PPM1E: variants seen among roughly 807,000 people sequenced by gnomAD.
PPM1E encodes the protein protein phosphatase, Mg2+/Mn2+ dependent 1E, also known as protein phosphatase 1E.
In PPM1E, 20 loss-of-function variants were observed where a neutral mutation model predicts 65.9. That is an observed-to-expected ratio of 0.30 (90% CI 0.21 to 0.44). The LOEUF (loss-of-function observed/expected upper bound fraction) is 0.44. PPM1E is among the 20% of genes least tolerant of loss of function. The pLI is 1.00. For missense variants in PPM1E, 713 were observed against 953.1 expected, an observed-to-expected ratio of 0.75 and a Z score of 3.32; for synonymous variants, 352 against 374.9, an observed-to-expected ratio of 0.94 and a Z score of 0.70.
In PPM1E at chr17:58,981,321, C is replaced by T. The variant is rs2031345988; in HGVS notation, c.*290C>T. The T allele has an allele frequency of 3.1e-6, 1 of 319,570 alleles. No individual in the cohort carries two copies. Among genetic ancestry groups the T allele is most frequent in the Non-Finnish European group, 5.7e-6 (1 of 175,378 alleles). 19.8% of individuals were successfully genotyped at this position (319,570 alleles called of 1,614,324 possible). A position where few individuals can be genotyped will look rare whatever the true frequency, so the allele number is the denominator to read the frequency against. ...TTCATGTCACTAGATACACAACCCC[C>T]TTCCCACCATCCCTTCAGTCACTAG... On this transcript the variant is annotated 3_prime_UTR_variant, in exon 7 of 7. Transcript: ENST00000308249.
chr17:58,887,423 T>A (rs1036022179), intron 1 of PPM1E, among the ~76,000 whole-genome samples: 1 of 152,176 alleles, frequency 6.6e-6, no homozygotes, highest in East Asian at 1.9e-4. Flanking sequence ...CGTCTCGGCC[T>A]CCCAATGTGC....
intron 3 of PPM1E, 27 bp from the exon 4 acceptor site, chr17:58,969,512 A>G (rs760263711): frequency 6.2e-6 from 10 of 1,612,584 alleles, no homozygotes; most frequent in East Asian, 4.5e-5. Flanking sequence ...CCCAACTCCC[A>G]TAACTGTTCT....
chr17:58,833,544 G>T (rs2050625254), intron 1 of PPM1E, among the ~76,000 whole-genome samples: 1 of 151,762 alleles, frequency 6.6e-6, no homozygotes, highest in Non-Finnish European at 1.5e-5. Flanking sequence ...CCGTGTTGCT[G>T]CAAAGGACAT....
At chr17:58,818,607 A>G (rs2050449753) in intron 1 of PPM1E, among the ~76,000 whole-genome samples, 1 of 152,138 alleles carries the variant, frequency 6.6e-6, no homozygotes, top group Non-Finnish European at 1.5e-5. Context: ...CCCCAAGTTC[A>G]TTATTTGCTT....
At chr17:58,884,754 G>GA (rs2051245978) in intron 1 of PPM1E, among the ~76,000 whole-genome samples, 1 of 152,014 alleles carries the variant, frequency 6.6e-6, no homozygotes, top group South Asian at 2.1e-4. Flanking sequence ...TAACATGGGG[G>GA]ATAATACTTC....
intron 1 of PPM1E, among the ~76,000 whole-genome samples, chr17:58,927,122 C>CTTT (rs533990179): frequency 4.6e-4 from 57 of 124,600 alleles, no homozygotes; most frequent in East Asian, 6.8e-4. Context: ...GACTTTTAAA[C>CTTT]TTTTTTTTTT....
At chr17:58,855,603 G>C (rs541017353) in intron 1 of PPM1E, among the ~76,000 whole-genome samples, 13 of 152,286 alleles carry the variant, frequency 8.5e-5, no homozygotes, top group African/African-American at 2.9e-4. Context: ...ATCATAACTA[G>C]ATATGGCAGG....
At chr17:58,896,910 A>G (rs891449874) in intron 1 of PPM1E, among the ~76,000 whole-genome samples, 1 of 152,178 alleles carries the variant, frequency 6.6e-6, no homozygotes. Context: ...TCAGGGGCTA[A>G]TGCAGCTGGT....
Position 58,950,856 on chromosome 17 carries a change from G to T in PPM1E, c.465-4793G>T, listed in dbSNP as rs537109634. Among the ~76,000 whole-genome samples the T allele has an allele frequency of 4.9e-3, 709 of 144,958 alleles. 3 individuals carry two copies. The highest frequency in any genetic ancestry group is 6.7e-3 in the Non-Finnish European group (450 of 67,288). On this transcript the variant is annotated intron_variant, in intron 1 of 6. Coordinates refer to ENST00000308249, the MANE Select transcript of PPM1E (RefSeq NM_014906.5). ...TGCAGCGGCGTGATCTCTGCTCACT[G>T]CAAGCTCCGCCTCCTGGGTTCACGC...
chr17:58,866,834 C>T (rs1278293036), intron 1 of PPM1E, among the ~76,000 whole-genome samples: 1 of 152,154 alleles, frequency 6.6e-6, no homozygotes, highest in Non-Finnish European at 1.5e-5. Context: ...GTGTTCAGTA[C>T]CTTTTTCTAT....
chr17:58,933,711 G>A (rs539387242), intron 1 of PPM1E, among the ~76,000 whole-genome samples: 3 of 151,030 alleles, frequency 2.0e-5, no homozygotes, highest in Admixed American at 6.6e-5. Flanking sequence ...CAGGAGAATC[G>A]CTTGAACCTG....
At chr17:58,921,846 G>T (rs2051755591) in intron 1 of PPM1E, among the ~76,000 whole-genome samples, 1 of 151,848 alleles carries the variant, frequency 6.6e-6, no homozygotes, top group Non-Finnish European at 1.5e-5. Flanking sequence ...TTGAAGACCA[G>T]GCTGGCTAAC....
intron 1 of PPM1E, among the ~76,000 whole-genome samples, chr17:58,761,104 C>G (rs2049816779): frequency 6.6e-6 from 1 of 152,164 alleles, no homozygotes; most frequent in Admixed American, 6.5e-5. Flanking sequence ...TGGGGTCTCA[C>G]TATATTCCCT....
intron 1 of PPM1E, among the ~76,000 whole-genome samples, chr17:58,791,631 T>C (rs1039301742): frequency 3.9e-5 from 6 of 152,154 alleles, no homozygotes; most frequent in African/African-American, 1.4e-4. Context: ...AATTCCAGGT[T>C]TTCTGGACTG....
intron 4 of PPM1E, 46 bp downstream of exon 4, chr17:58,969,773 G>C (rs1449671677): frequency 1.9e-6 from 3 of 1,572,474 alleles, no homozygotes; most frequent in Non-Finnish European, 2.6e-6. Context: ...TACTAGCTGA[G>C]CTCAATTTGG....
chr17:58,917,459 T>C (rs1351556707), intron 1 of PPM1E, among the ~76,000 whole-genome samples: 1 of 152,212 alleles, frequency 6.6e-6, no homozygotes, highest in East Asian at 1.9e-4. Flanking sequence ...CCTAAGGCAA[T>C]GCCCAGATGT....
rs1354777473 is a variant in PPM1E, at chr17:58,967,252, A to G, written c.783+1359A>G. On this transcript the variant is annotated intron_variant, in intron 3 of 6. Coordinates refer to ENST00000308249, the MANE Select transcript of PPM1E (RefSeq NM_014906.5). ...ATTATAAGAAAATAGAAATGCAGAA[A>G]AGTCTTAGGCATGTGTTTTGTTTGA... Among the ~76,000 whole-genome samples, 4 of 152,186 alleles carry G rather than the reference A, an allele frequency of 2.6e-5. No individual in the cohort carries two copies. In the South Asian group the frequency reaches 8.3e-4, roughly 31 times the overall value.
intron 6 of PPM1E, among the ~76,000 whole-genome samples, chr17:58,977,968 C>T (rs1464121674): frequency 1.3e-5 from 2 of 152,202 alleles, no homozygotes; most frequent in African/African-American, 4.8e-5. Context: ...GCTTCGTACT[C>T]CCGACCTCAA....
At chr17:58,851,094 C>T (rs895299257) in intron 1 of PPM1E, among the ~76,000 whole-genome samples, 2 of 152,142 alleles carry the variant, frequency 1.3e-5, no homozygotes, top group African/African-American at 2.4e-5. Context: ...GCATGCATCA[C>T]GTAGTTCTCG....
Sources: allele counts gnomAD v4.1 joint callset (sites outside exome capture counted in the v4.1 genomes callset), GRCh38; gene constraint gnomAD v4.1.1; transcripts MANE v1.5; gene names NCBI Gene and HGNC (gene_info 2026-07-23, HGNC 2026-07-21).